Variants in NTM observed in about 807,000 individuals in gnomAD.
NTM encodes IgLON family member 2.
A neutral mutation model predicts 42.1 loss-of-function variants in NTM; 13 were observed. That is an observed-to-expected ratio of 0.31 (90% CI 0.20 to 0.49). The LOEUF is 0.49. Among genes scored for constraint, NTM ranks in the 20% least tolerant of loss-of-function variants. The probability of loss-of-function intolerance (pLI) is 0.99; values close to 1 mark genes in which losing one functional copy is unlikely to be tolerated. For synonymous variants in NTM, 187 were observed against 179.2 expected, an observed-to-expected ratio of 1.04 and a Z score of -0.35; for missense variants, 373 against 452.8, an observed-to-expected ratio of 0.82 and a Z score of 1.60.
intron 1 of NTM, among the ~76,000 whole-genome samples, chr11:131,592,152 G>A (rs1031943368): frequency 6.6e-6 from 1 of 152,170 alleles, no homozygotes; most frequent in African/African-American, 2.4e-5. Context: ...ATTTAACTTA[G>A]TATTTGTCAA....
At chr11:131,848,356 C>T (rs2045167515) in intron 1 of NTM, among the ~76,000 whole-genome samples, 1 of 152,138 alleles carries the variant, frequency 6.6e-6, no homozygotes, top group Non-Finnish European at 1.5e-5. Flanking sequence ...ATAGTTGATC[C>T]CGTTTTCTTC....
At chr11:131,512,331 C>T (rs192054225) in intron 1 of NTM, among the ~76,000 whole-genome samples, 2 of 152,332 alleles carry the variant, frequency 1.3e-5, no homozygotes, top group African/African-American at 2.4e-5. Flanking sequence ...GTCCTTGCTG[C>T]CAGCTCCTAC....
At chr11:132,244,282 C>A (rs545205061) in intron 4 of NTM, among the ~76,000 whole-genome samples, 1 of 152,328 alleles carries the variant, frequency 6.6e-6, no homozygotes, top group East Asian at 1.9e-4. Flanking sequence ...TCAGGTAATG[C>A]AACCCCTGGA....
chr11:131,901,377 T>C (rs530342823), intron 1 of NTM, among the ~76,000 whole-genome samples: 1 of 152,366 alleles, frequency 6.6e-6, no homozygotes, highest in Non-Finnish European at 1.5e-5. Flanking sequence ...TCTTCCATTA[T>C]ATTTGGCCAC....
chr11:131,606,679 C>T lies in NTM; in HGVS notation c.82+235791C>T, dbSNP rs557986891. 1.2e-4 allele frequency among the ~76,000 whole-genome samples: 19 copies of T among 152,296 alleles called. No individual in the cohort carries two copies. In the East Asian group the frequency reaches 3.5e-3, roughly 28 times the overall value. ...AGGGGGTGGGCACACTCACACCCCA[C>T]CTGACATCAGGATATGTTGTGTTCA... On this transcript the variant is annotated intron_variant, in intron 1 of 8. Transcript: ENST00000683400.
At chr11:132,237,656 C>T (rs2089294532) in intron 4 of NTM, among the ~76,000 whole-genome samples, 1 of 152,078 alleles carries the variant, frequency 6.6e-6, no homozygotes, top group South Asian at 2.1e-4. Context: ...AATGCTAGTC[C>T]CTCTCTCTGG....
At chr11:132,074,702 A>C (rs915903123) in intron 2 of NTM, among the ~76,000 whole-genome samples, 2 of 152,206 alleles carry the variant, frequency 1.3e-5, no homozygotes, top group African/African-American at 4.8e-5. Context: ...GGATAAAGAA[A>C]ATGTGGAATT....
At chr11:131,458,557 C>T (rs1951106373) in intron 1 of NTM, among the ~76,000 whole-genome samples, 1 of 152,194 alleles carries the variant, frequency 6.6e-6, no homozygotes, top group Non-Finnish European at 1.5e-5. Context: ...TTCTAACACC[C>T]AGCAGGATTT....
At chr11:132,250,596 CT>C (rs201173146) in intron 4 of NTM, among the ~76,000 whole-genome samples, 3,345 of 146,280 alleles carry the variant, frequency 0.023, 89 homozygotes, top group African/African-American at 0.064. Flanking sequence ...ACACTATTCA[CT>C]TTTTTTTTTT....
chr11:131,508,860 G>T (rs2047858904), intron 1 of NTM, among the ~76,000 whole-genome samples: 1 of 142,804 alleles, frequency 7.0e-6, no homozygotes, highest in Admixed American at 7.2e-5. Context: ...ACAGGAAGGG[G>T]AATATCACAC....
chr11:131,686,758 C>T lies in NTM; in HGVS notation c.83-224806C>T, dbSNP rs188721770. Among the ~76,000 whole-genome samples, 331 of 152,314 alleles carry T rather than the reference C, an allele frequency of 2.2e-3. 2 individuals carry two copies. Among genetic ancestry groups the T allele is most frequent in the Non-Finnish European group, 2.9e-3 (199 of 68,028 alleles). On this transcript the variant is annotated intron_variant, in intron 1 of 8. Transcript: ENST00000683400. ...TGAATACGGCCATAACGAGGCTGGCCGAGAGGCACAGATCGGAATGGGGTC... is the reference window on the plus strand; with the variant it reads ...TGAATACGGCCATAACGAGGCTGGCTGAGAGGCACAGATCGGAATGGGGTC...
At chr11:132,293,432 T>C (rs1429754009) in intron 4 of NTM, among the ~76,000 whole-genome samples, 2 of 152,188 alleles carry the variant, frequency 1.3e-5, no homozygotes, top group Non-Finnish European at 1.5e-5. Context: ...CTCCAAGAAT[T>C]GGATGCTGTC....
intron 1 of NTM, among the ~76,000 whole-genome samples, chr11:131,554,815 T>C (rs749498817): frequency 5.9e-5 from 9 of 152,182 alleles, no homozygotes; most frequent in Non-Finnish European, 1.0e-4. Flanking sequence ...TCTGCTTGGA[T>C]GCACTTTGCT....
At chr11:131,596,008 C>G (rs2059783226) in intron 1 of NTM, among the ~76,000 whole-genome samples, 1 of 152,234 alleles carries the variant, frequency 6.6e-6, no homozygotes, top group Non-Finnish European at 1.5e-5. Flanking sequence ...GCATGGCAGG[C>G]TGGAAGAATG....
chr11:131,637,209 T>A (rs896659386), intron 1 of NTM, among the ~76,000 whole-genome samples: 6 of 151,972 alleles, frequency 3.9e-5, no homozygotes, highest in African/African-American at 1.4e-4. Flanking sequence ...AGCCAGGACA[T>A]CCATCCTCGG....
chr11:132,106,349 G>A (rs2062374494), intron 2 of NTM, among the ~76,000 whole-genome samples: 1 of 152,224 alleles, frequency 6.6e-6, no homozygotes, highest in South Asian at 2.1e-4. Flanking sequence ...TGGAGAGTTT[G>A]TCTAAAGGGG....
rs146187610 is a variant in NTM at position 132,256,820 on chromosome 11, G to A, written c.526+44673G>A. ...CCCCAGCGATTCCAGCCGCAGGAGA[G>A]TGGGCCTGCCGCCCACGGACCCGTG... On this transcript the variant is annotated intron_variant, in intron 4 of 8. Coordinates refer to ENST00000683400, the MANE Select transcript of NTM (RefSeq NM_001352005.2). Among the ~76,000 whole-genome samples, 748 of 152,306 alleles carry A rather than the reference G, an allele frequency of 4.9e-3. 9 individuals are homozygous for A. Among genetic ancestry groups the A allele is most frequent in the African/African-American group, 0.017 (724 of 41,564 alleles).
At chr11:131,563,706 T>G (rs185325988) in intron 1 of NTM, among the ~76,000 whole-genome samples, 1 of 151,850 alleles carries the variant, frequency 6.6e-6, no homozygotes, top group African/African-American at 2.4e-5. Context: ...TCTTAAAAGT[T>G]TCAAACTAAT....
intron 1 of NTM, among the ~76,000 whole-genome samples, chr11:131,799,084 T>C (rs1163415976): frequency 1.3e-5 from 2 of 152,250 alleles, no homozygotes; most frequent in African/African-American, 4.8e-5. Flanking sequence ...ACTTTCTTGT[T>C]TAATTGTTAA....
Sources: gnomAD v4.1 joint callset for allele counts (sites outside exome capture counted in the v4.1 genomes callset) on GRCh38, gnomAD v4.1.1 for gene constraint, MANE v1.5 for transcripts, NCBI Gene and HGNC (gene_info 2026-07-23, HGNC 2026-07-21) for gene names.